MGLL: variants seen among roughly 807,000 people sequenced by gnomAD.
MGLL encodes the protein monoglyceride lipase.
In MGLL, 7 loss-of-function variants were observed where a neutral mutation model predicts 29.1. The ratio of observed to expected loss-of-function variants is 0.24; its 90% confidence interval spans 0.14 to 0.45. The LOEUF (loss-of-function observed/expected upper bound fraction) is 0.45, where lower values mean the gene tolerates loss of function less well. Among genes scored for constraint, MGLL ranks in the 20% least tolerant of loss-of-function variants. The pLI is 0.99. For synonymous variants in MGLL, 148 were observed against 168.3 expected (o/e 0.88, Z 0.93); for missense variants, 356 against 413.6 (o/e 0.86, Z 1.21).
chr3:127,804,520 C>G (rs1206412113), intron 2 of MGLL, among the ~76,000 whole-genome samples: 2 of 152,192 alleles, frequency 1.3e-5, no homozygotes, highest in African/African-American at 2.4e-5. Context: ...GTAGAGCCCA[C>G]AGGTCAAACT....
chr3:127,811,236 G>A (rs937350925), intron 2 of MGLL, among the ~76,000 whole-genome samples: 7 of 135,974 alleles, frequency 5.1e-5, no homozygotes, highest in African/African-American at 2.3e-4. Context: ...TGCAACAAAC[G>A]TGTTTTGATC....
intron 6 of MGLL, among the ~76,000 whole-genome samples, chr3:127,702,081 T>A (rs1357773715): frequency 2.0e-5 from 3 of 152,210 alleles, no homozygotes; most frequent in Non-Finnish European, 4.4e-5. Flanking sequence ...AGGGCAAGAC[T>A]GAGTGTGGCT....
Position 127,737,630 on chromosome 3 carries a change from C to CTTTTTTTTTTTTTTTTTTTTTT in MGLL, c.263-15086_263-15065dup, listed in dbSNP as rs774965066. On this transcript the variant is annotated intron_variant, in intron 3 of 7. Transcript: ENST00000265052. Reference sequence around the variant, plus strand: ...GACACAGTGAAATCATCAACTGCTTCTTTTTTTTTTTTTTTTTTTTTTTTT... The same window carrying CTTTTTTTTTTTTTTTTTTTTTT: ...GACACAGTGAAATCATCAACTGCTTCTTTTTTTTTTTTTTTTTTTTTTTTTTTTTTTTTTTTTTTTTTTTTTT... 3.8e-4 allele frequency among the ~76,000 whole-genome samples: 26 copies of CTTTTTTTTTTTTTTTTTTTTTT among 68,608 alleles called. 2 individuals carry two copies. Among genetic ancestry groups the CTTTTTTTTTTTTTTTTTTTTTT allele is most frequent in the African/African-American group, 1.4e-3 (19 of 13,580 alleles). The allele number at this position is 68,608 out of a possible 152,430, so 45.0% of individuals were successfully genotyped here. A position where few individuals can be genotyped will look rare whatever the true frequency, so the allele number is the denominator to read the frequency against.
chr3:127,723,972 G>A (rs1439033538), intron 3 of MGLL, among the ~76,000 whole-genome samples: 1 of 152,168 alleles, frequency 6.6e-6, no homozygotes, highest in African/African-American at 2.4e-5. Context: ...GTAAGGAGAG[G>A]GGATTAGAAC....
chr3:127,754,706 C>T (rs2076627932), intron 3 of MGLL, among the ~76,000 whole-genome samples: 1 of 152,046 alleles, frequency 6.6e-6, no homozygotes, highest in African/African-American at 2.4e-5. Flanking sequence ...TTTTCCTTGT[C>T]GGAGGGCAAG....
At chr3:127,745,732 C>G (rs1301664742) in intron 3 of MGLL, among the ~76,000 whole-genome samples, 1 of 152,170 alleles carries the variant, frequency 6.6e-6, no homozygotes, top group East Asian at 1.9e-4. Context: ...TGCCGGGGTT[C>G]CTGGTGCAGT....
intron 2 of MGLL, among the ~76,000 whole-genome samples, chr3:127,784,404 G>T (rs565146535): frequency 1.3e-5 from 2 of 152,320 alleles, no homozygotes; most frequent in South Asian, 4.1e-4. Context: ...GCTGCTCAGA[G>T]GCTAAGTGGA....
chr3:127,730,782 A>T (rs1009793644), intron 3 of MGLL, among the ~76,000 whole-genome samples: 3 of 152,134 alleles, frequency 2.0e-5, no homozygotes, highest in African/African-American at 7.2e-5. Flanking sequence ...GGGGTGCCAC[A>T]TGGCTCTGTG....
chr3:127,807,058 A>C (rs564816138), intron 2 of MGLL, among the ~76,000 whole-genome samples: 1 of 152,302 alleles, frequency 6.6e-6, no homozygotes, highest in East Asian at 1.9e-4. Context: ...GGTTTGTGAG[A>C]ATTGGTATTA....
At chr3:127,699,442 C>CAG (rs1267401609) in intron 6 of MGLL, among the ~76,000 whole-genome samples, 1 of 152,164 alleles carries the variant, frequency 6.6e-6, no homozygotes, top group Non-Finnish European at 1.5e-5. Context: ...GCCCTTGACT[C>CAG]TTTACTAGGT....
At chr3:127,774,259 C>A (rs918542667) in intron 3 of MGLL, among the ~76,000 whole-genome samples, 2 of 152,250 alleles carry the variant, frequency 1.3e-5, no homozygotes, top group African/African-American at 4.8e-5. Flanking sequence ...CTCTGCCACC[C>A]AGACCTTTGC....
chr3:127,812,351 C>T (rs895831684), intron 2 of MGLL, among the ~76,000 whole-genome samples: 5 of 152,154 alleles, frequency 3.3e-5, no homozygotes, highest in Admixed American at 3.3e-4. Flanking sequence ...TTCCTTGTGG[C>T]TTTCTTGTTT....
At chr3:127,802,104 C>T (rs1004750168) in intron 2 of MGLL, among the ~76,000 whole-genome samples, 3 of 152,154 alleles carry the variant, frequency 2.0e-5, no homozygotes, top group Non-Finnish European at 4.4e-5. Context: ...TGAGCATATG[C>T]CAGGCCGGGT....
Position 127,714,955 on chromosome 3 carries a change from G to A in MGLL, c.511-4290C>T, listed in dbSNP as rs541707282. On this transcript the variant is annotated intron_variant, in intron 5 of 7. Transcript: ENST00000265052. ...CAGCACACCCATCCCAACATCCCAGGGCCTCCCTGCTCAGTGTGGTCCTCA... is the reference window on the plus strand; with the variant it reads ...CAGCACACCCATCCCAACATCCCAGAGCCTCCCTGCTCAGTGTGGTCCTCA... Among the ~76,000 whole-genome samples, 230 of 152,236 alleles carry A rather than the reference G, an allele frequency of 1.5e-3. 1 individual carries two copies. Among genetic ancestry groups the A allele is most frequent in the Middle Eastern group, 3.4e-3 (1 of 294 alleles).
chr3:127,731,943 T>C lies in MGLL; in HGVS notation c.263-9377A>G, dbSNP rs1367795641. Among the ~76,000 whole-genome samples the C allele has an allele frequency of 5.3e-5, 8 of 152,190 alleles. 1 individual carries two copies. The East Asian group carries it at 1.5e-3, about 29-fold the overall frequency. On this transcript the variant is annotated intron_variant, in intron 3 of 7. Transcript: ENST00000265052. ...TGCATTCGATGCGAAGTATAATAAA[T>C]TCGTGATAATCCTTTGTTGAATGAT...
intron 5 of MGLL, chr3:127,712,862 A>T (rs1204010064): frequency 6.6e-6 from 1 of 152,284 alleles, no homozygotes; most frequent in African/African-American, 2.4e-5. Context: ...GGACTGGGGT[A>T]TTTTCAAACA....
Position 127,722,493 on chromosome 3 carries a change from C to G in MGLL, c.336G>C (p.Gln112His), listed in dbSNP as rs2075948149. 6.2e-7 allele frequency: 1 copy of G among 1,614,232 alleles called. No homozygotes were observed. The highest frequency in any genetic ancestry group is 1.1e-5 in the South Asian group (1 of 91,088). ...DFHVFVRDVL[Q>H]HVDSMQKDYP... is the part of the protein sequence containing the mutation. ...AGTCTTTCTGCATGGAATCCACATG[C>G]TGCAACACATCCCTGACGAAAACGT... Residue 112 changes from glutamine (Q) to histidine (H), a missense_variant, in exon 4 of 8, where the codon CAG (glutamine) becomes CAC (histidine). Transcript: ENST00000265052.
At chr3:127,781,992 G>C in intron 2 of MGLL, 97 bp from the exon 3 acceptor site, 3 of 1,122,448 alleles carry the variant, frequency 2.7e-6, no homozygotes, top group Non-Finnish European at 4.0e-6. Context: ...AGGCCGGGGC[G>C]GGCGGATTGC....
rs141804793 is a variant in MGLL at position 127,776,096 on chromosome 3, G to A, written c.262+5693C>T. 1.6e-4 allele frequency among the ~76,000 whole-genome samples: 25 copies of A among 152,274 alleles called. No individual in the cohort carries two copies. The Middle Eastern group carries it at 0.02, about 124-fold the overall frequency. On this transcript the variant is annotated intron_variant, in intron 3 of 7. Transcript: ENST00000265052. ...GTTCACACATGGCAGCAGCCCCTCC[G>A]TTTCTGGCTGCCCGTGCACCTCTCC...
Sources: allele counts gnomAD v4.1 joint callset (sites outside exome capture counted in the v4.1 genomes callset), GRCh38; gene constraint gnomAD v4.1.1; transcripts MANE v1.5; gene names NCBI Gene and HGNC (gene_info 2026-07-23, HGNC 2026-07-21).